CDC42BPA: variants seen among roughly 807,000 people sequenced by gnomAD.
CDC42BPA encodes serine/threonine-protein kinase MRCK alpha.
In CDC42BPA, 80 loss-of-function variants were observed where a neutral mutation model predicts 223.5. That is an observed-to-expected ratio of 0.36 (90% CI 0.30 to 0.43). The LOEUF (loss-of-function observed/expected upper bound fraction) is 0.43, where lower values mean the gene tolerates loss of function less well. Among genes scored for constraint, CDC42BPA ranks in the 20% least tolerant of loss-of-function variants. The pLI is 1.00. For missense variants in CDC42BPA, 1,743 were observed against 2,099.9 expected (o/e 0.83, Z 3.32); for synonymous variants, 694 against 718.6 (o/e 0.97, Z 0.55).
chr1:227,311,633 AAAGG>A (rs1477066836), intron 1 of CDC42BPA, among the ~76,000 whole-genome samples: 2 of 152,174 alleles, frequency 1.3e-5, no homozygotes, highest in Admixed American at 6.5e-5. Context: ...GGAAAAAAAC[AAAGG>A]AAGAGACAAT....
At chr1:227,109,568 G>A (rs2149370397) in intron 14 of CDC42BPA, among the ~76,000 whole-genome samples, 1 of 152,126 alleles carries the variant, frequency 6.6e-6, no homozygotes, top group South Asian at 2.1e-4. Context: ...GTTTCACTAT[G>A]TTGGCCAGGC....
intron 1 of CDC42BPA, among the ~76,000 whole-genome samples, chr1:227,269,865 T>C (rs980720668): frequency 2.6e-4 from 40 of 152,174 alleles, no homozygotes; most frequent in Non-Finnish European, 2.5e-4. Context: ...CATATCCCAA[T>C]GTTAGAAGTT....
chr1:227,172,697 G>C (rs1318679239), intron 5 of CDC42BPA, among the ~76,000 whole-genome samples: 2 of 151,712 alleles, frequency 1.3e-5, no homozygotes, highest in Non-Finnish European at 2.9e-5. Context: ...AAGGTACATG[G>C]GACCTTTCTG....
chr1:227,180,412 T>C (rs1223707803), intron 5 of CDC42BPA: 1 of 152,146 alleles, frequency 6.6e-6, no homozygotes, highest in Non-Finnish European at 1.5e-5. Context: ...GCTTAAAGCA[T>C]TATATATTTT....
chr1:227,298,567 G>GTT (rs1691108740), intron 1 of CDC42BPA, among the ~76,000 whole-genome samples: 1 of 152,084 alleles, frequency 6.6e-6, no homozygotes, highest in Non-Finnish European at 1.5e-5. Flanking sequence ...CTGTCCCAGA[G>GTT]TTTTGTCCTT....
At position 227,113,318 on chromosome 1, in the gene CDC42BPA, G is replaced by A. The variant is rs182998894; in HGVS notation, c.1648-405C>T. The stretch of plus-strand genomic sequence containing the variant: ...GAAGCAAGGAGATAGAAACTAAACC[G>A]GAGACTCCCTAATTAAAATGAGAAA... On this transcript the variant is annotated intron_variant, in intron 12 of 36. Transcript: ENST00000366766. Among the ~76,000 whole-genome samples the A allele has an allele frequency of 1.2e-4, 18 of 152,336 alleles. No homozygotes were observed. In the East Asian group the frequency reaches 2.7e-3, roughly 23 times the overall value.
intron 1 of CDC42BPA, among the ~76,000 whole-genome samples, chr1:227,280,930 C>T (rs1687919939): frequency 6.6e-6 from 1 of 152,140 alleles, no homozygotes; most frequent in South Asian, 2.1e-4. Context: ...TCAGAACTGC[C>T]TCTCAGGGCC....
At chr1:227,289,718 A>G (rs1394707912) in intron 1 of CDC42BPA, among the ~76,000 whole-genome samples, 2 of 152,168 alleles carry the variant, frequency 1.3e-5, no homozygotes, top group Admixed American at 1.3e-4. Flanking sequence ...CTCCACAAAC[A>G]CTGTATCATG....
chr1:227,200,527 ATT>A (rs58110006), intron 3 of CDC42BPA, among the ~76,000 whole-genome samples: 4,480 of 146,822 alleles, frequency 0.031, 198 homozygotes, highest in African/African-American at 0.1. Flanking sequence ...TTGCAATTTG[ATT>A]TTTTTTTTTT....
chr1:227,296,530 A>AC (rs1690661276), intron 1 of CDC42BPA, among the ~76,000 whole-genome samples: 1 of 151,816 alleles, frequency 6.6e-6, no homozygotes, highest in East Asian at 1.9e-4. Flanking sequence ...TAATGGTGAA[A>AC]CCCCGCATCT....
At chr1:227,244,344 T>A (rs555077770) in intron 2 of CDC42BPA, among the ~76,000 whole-genome samples, 2 of 152,210 alleles carry the variant, frequency 1.3e-5, no homozygotes, top group South Asian at 4.1e-4. Flanking sequence ...AAAACAAGAA[T>A]GAATTACAAA....
chr1:227,088,266 T>C (rs147644036), intron 16 of CDC42BPA, among the ~76,000 whole-genome samples: 2 of 152,370 alleles, frequency 1.3e-5, no homozygotes, highest in Admixed American at 1.3e-4. Flanking sequence ...AAATGAGTTA[T>C]ATGAAGTAAT....
chr1:227,125,814 C>T (rs549804565), intron 11 of CDC42BPA, among the ~76,000 whole-genome samples: 1 of 151,392 alleles, frequency 6.6e-6, no homozygotes, highest in African/African-American at 2.4e-5. Flanking sequence ...TAAGTGGATC[C>T]ACACAGTTCA....
In CDC42BPA at chr1:226,992,037, G is replaced by C. The variant is rs1448302102; in HGVS notation, c.*2231C>G. 4 of 112,278 alleles carry C rather than the reference G, an allele frequency of 3.6e-5. No homozygotes were observed. The highest frequency in any genetic ancestry group is 1.4e-4 in the African/African-American group (4 of 29,056). 7.0% of individuals were successfully genotyped at this position (112,278 alleles called of 1,614,324 possible). On this transcript the variant is annotated 3_prime_UTR_variant, in exon 37 of 37. Transcript: ENST00000366766. ...GTGGGGAGAGTGAGGAGGGTGGGGA[G>C]AGTGAGGAGGGTGGGGAGAGTGGGG...
Position 227,005,109 on chromosome 1 carries a change from G to A in CDC42BPA, c.4860C>T (p.Asn1620=), listed in dbSNP as rs2148365149. The stretch of plus-strand genomic sequence containing the variant: ...CTGTCCGACTTTCCTGAGGCCGAGG[G>A]TTCTATAAACAAAAGCGAGAGAGAC... The part of the protein sequence containing the change: ...GIQILKDLPM[N]PRPQESRTVF... Residue 1620 remains asparagine, a splice_region_variant and synonymous_variant, in exon 35 of 37, where the codon AAC becomes AAT. Transcript: ENST00000366766. 6.2e-7 allele frequency: 1 copy of A among 1,606,590 alleles called. No homozygotes were observed. Among genetic ancestry groups the A allele is most frequent in the Non-Finnish European group, 8.5e-7 (1 of 1,173,262 alleles).
At chr1:227,198,772 T>G (rs1572298937) in intron 4 of CDC42BPA, among the ~76,000 whole-genome samples, 1 of 133,816 alleles carries the variant, frequency 7.5e-6, no homozygotes, top group Admixed American at 7.6e-5. Flanking sequence ...TTTTTTTTTT[T>G]GAGACCGAGT....
At chr1:227,008,589 T>C (rs1488342916) in intron 34 of CDC42BPA, among the ~76,000 whole-genome samples, 2 of 152,030 alleles carry the variant, frequency 1.3e-5, no homozygotes, top group Non-Finnish European at 2.9e-5. Context: ...AGAGAAAGTT[T>C]GCAGCACTGA....
chr1:227,210,478 G>A (rs2670450), intron 3 of CDC42BPA, among the ~76,000 whole-genome samples: 14,896 of 152,136 alleles, frequency 0.098, 1,177 homozygotes, highest in East Asian at 0.36. Flanking sequence ...AGAACAGGGA[G>A]AAGTGAGTCT....
At chr1:227,146,639 TC>T (rs1196794695) in intron 7 of CDC42BPA, among the ~76,000 whole-genome samples, 1 of 152,148 alleles carries the variant, frequency 6.6e-6, no homozygotes, top group Non-Finnish European at 1.5e-5. Context: ...ACAGTCTATT[TC>T]ACTTAGTACT....
Sources: gnomAD v4.1 joint callset for allele counts (sites outside exome capture counted in the v4.1 genomes callset) on GRCh38, gnomAD v4.1.1 for gene constraint, MANE v1.5 for transcripts, NCBI Gene and HGNC (gene_info 2026-07-23, HGNC 2026-07-21) for gene names.